Variants in CLSTN2 observed in about 807,000 individuals in gnomAD.
CLSTN2 encodes calsyntenin-2.
In CLSTN2, 48 loss-of-function variants were observed where a neutral mutation model predicts 101.2. The observed-to-expected ratio is 0.47, with a 90% CI of 0.38 to 0.60. CLSTN2 has a LOEUF of 0.60. Ranked by LOEUF, CLSTN2 falls within the 20% of genes least tolerant of loss-of-function variation. CLSTN2 has a pLI of 0.00. For missense variants in CLSTN2, 1,160 were observed against 1,238.2 expected (o/e 0.94, Z 0.95); for synonymous variants, 481 against 463.6 (o/e 1.04, Z -0.48).
intron 2 of CLSTN2, among the ~76,000 whole-genome samples, chr3:140,363,713 C>T (rs1457652428): frequency 1.3e-5 from 2 of 152,120 alleles, no homozygotes; most frequent in Non-Finnish European, 1.5e-5. Flanking sequence ...ATGTGGAGGA[C>T]CCTATCCTAA....
chr3:140,564,315 C>A (rs1935989969), intron 16 of CLSTN2, among the ~76,000 whole-genome samples, 170 bp downstream of exon 16: 2 of 152,152 alleles, frequency 1.3e-5, no homozygotes, highest in African/African-American at 4.8e-5. Flanking sequence ...GCCCTCTCAG[C>A]CTGAACAGAT....
chr3:140,546,663 C>G lies in CLSTN2; in HGVS notation c.1656C>G (p.Ser552Arg), dbSNP rs374306883. The G allele has an allele frequency of 6.2e-7, 1 of 1,612,942 alleles. No individual in the cohort carries two copies. Among genetic ancestry groups the G allele is most frequent in the African/African-American group, 1.3e-5 (1 of 75,000 alleles). Residue 552 changes from serine to arginine, a missense_variant, in exon 10 of 17, where the codon AGC becomes AGG. By Grantham distance (110) the Ser-to-Arg change is moderately radical. Coordinates refer to ENST00000458420, the MANE Select transcript of CLSTN2 (RefSeq NM_022131.3). ...GGCTGGACATTAATTCCTTGGAAAG[C>G]CTTGGCCAAGGAATAAAGGTAAGGC... ...KEGLDINSLESLGQGIKYHFN... is the reference protein window; with the variant it reads ...KEGLDINSLERLGQGIKYHFN...
At chr3:139,975,093 G>A (rs964726306) in intron 1 of CLSTN2, among the ~76,000 whole-genome samples, 1 of 152,218 alleles carries the variant, frequency 6.6e-6, no homozygotes, top group Non-Finnish European at 1.5e-5. Flanking sequence ...GTGAGAAAGT[G>A]CATTCTAAAA....
chr3:139,955,076 A>G (rs1935365120), intron 1 of CLSTN2, among the ~76,000 whole-genome samples: 2 of 146,068 alleles, frequency 1.4e-5, no homozygotes, highest in Admixed American at 1.4e-4. Flanking sequence ...ATATATACAC[A>G]CATATATACA....
intron 2 of CLSTN2, among the ~76,000 whole-genome samples, chr3:140,274,800 G>C (rs978737247): frequency 1.3e-5 from 2 of 152,166 alleles, no homozygotes; most frequent in Admixed American, 6.6e-5. Flanking sequence ...AAAATAACAG[G>C]CACAGATCAC....
chr3:140,261,159 G>A (rs1026618541), intron 2 of CLSTN2, among the ~76,000 whole-genome samples: 8 of 151,026 alleles, frequency 5.3e-5, no homozygotes, highest in Admixed American at 5.3e-4. Flanking sequence ...CCTTCTTGGG[G>A]GTTATGCATT....
At chr3:140,534,122 C>T (rs896729848) in intron 9 of CLSTN2, among the ~76,000 whole-genome samples, 1 of 152,114 alleles carries the variant, frequency 6.6e-6, no homozygotes, top group Non-Finnish European at 1.5e-5. Flanking sequence ...AGAGGTTGCG[C>T]AGGAATCAAT....
intron 2 of CLSTN2, among the ~76,000 whole-genome samples, chr3:140,368,092 TA>T (rs1246921825): frequency 6.6e-6 from 1 of 152,186 alleles, no homozygotes; most frequent in Non-Finnish European, 1.5e-5. Context: ...ACTGAGCACC[TA>T]AAATGAGCCA....
chr3:139,950,394 T>G (rs1244423171), intron 1 of CLSTN2, among the ~76,000 whole-genome samples: 3 of 152,170 alleles, frequency 2.0e-5, no homozygotes, highest in Non-Finnish European at 2.9e-5. Flanking sequence ...CCCTTTCTTC[T>G]AGGGGTAGAG....
At chr3:140,449,294 C>T (rs1306929488) in intron 6 of CLSTN2, 1 of 152,248 alleles carries the variant, frequency 6.6e-6, no homozygotes, top group Non-Finnish European at 1.5e-5. Context: ...TTGTTACTGA[C>T]AAAGCTGGTC....
chr3:140,171,478 C>G (rs879905749), intron 1 of CLSTN2, among the ~76,000 whole-genome samples: 1 of 150,436 alleles, frequency 6.6e-6, no homozygotes, highest in Non-Finnish European at 1.5e-5. Flanking sequence ...CTGAACTGAC[C>G]TTTTGAAGGA....
chr3:140,290,219 A>G (rs1483841547), intron 2 of CLSTN2, among the ~76,000 whole-genome samples: 1 of 152,142 alleles, frequency 6.6e-6, no homozygotes, highest in African/African-American at 2.4e-5. Flanking sequence ...GATCAAGTTC[A>G]TCTCACAGTT....
chr3:140,437,406 C>T (rs73867174), intron 5 of CLSTN2, among the ~76,000 whole-genome samples: 164 of 152,300 alleles, frequency 1.1e-3, no homozygotes, highest in African/African-American at 3.8e-3. Flanking sequence ...TGGTGAGCTT[C>T]TAGGGAAATT....
intron 6 of CLSTN2, among the ~76,000 whole-genome samples, chr3:140,451,297 AT>A (rs960211961): frequency 4.5e-4 from 68 of 152,248 alleles, no homozygotes; most frequent in African/African-American, 1.5e-3. Flanking sequence ...GAAGGAAGAA[AT>A]TTTCGAACAA....
intron 2 of CLSTN2, among the ~76,000 whole-genome samples, chr3:140,228,697 G>T (rs914441002): frequency 1.6e-4 from 24 of 152,174 alleles, no homozygotes; most frequent in African/African-American, 5.5e-4. Flanking sequence ...GTGGCTGGGG[G>T]CCTCACAATC....
At chr3:139,954,736 T>C (rs186714295) in intron 1 of CLSTN2, among the ~76,000 whole-genome samples, 1 of 152,284 alleles carries the variant, frequency 6.6e-6, no homozygotes, top group Admixed American at 6.5e-5. Context: ...TTTGATGGTG[T>C]GGAACAGCTG....
chr3:140,434,859 C>A (rs1035611359), intron 5 of CLSTN2, among the ~76,000 whole-genome samples: 2 of 151,978 alleles, frequency 1.3e-5, no homozygotes, highest in Non-Finnish European at 2.9e-5. Context: ...TGTTTGTTTT[C>A]TTTTCCTTTT....
At chr3:140,451,066 G>A (rs947719149) in intron 6 of CLSTN2, among the ~76,000 whole-genome samples, 3 of 152,126 alleles carry the variant, frequency 2.0e-5, no homozygotes, top group African/African-American at 7.2e-5. Flanking sequence ...TACTTTGAAG[G>A]AATACCCTAC....
At chr3:140,082,532 C>T (rs1270737371) in intron 1 of CLSTN2, among the ~76,000 whole-genome samples, 1 of 152,112 alleles carries the variant, frequency 6.6e-6, no homozygotes, top group Non-Finnish European at 1.5e-5. Context: ...TTTTGAGAGC[C>T]TCCCACTGTG....
Sources: gnomAD v4.1 joint callset for allele counts (sites outside exome capture counted in the v4.1 genomes callset) on GRCh38, gnomAD v4.1.1 for gene constraint, MANE v1.5 for transcripts, NCBI Gene and HGNC (gene_info 2026-07-23, HGNC 2026-07-21) for gene names.